The following TTBK2 variants were observed in gnomAD, a reference collection of about 807,000 sequenced individuals.
TTBK2 encodes the protein tau-tubulin kinase 2.
Under a neutral mutation model 110.8 loss-of-function variants are expected in TTBK2, and 28 were observed. The observed-to-expected ratio is 0.25, with a 90% confidence interval of 0.19 to 0.35. The LOEUF (loss-of-function observed/expected upper bound fraction) is 0.35, where lower values mean the gene tolerates loss of function less well. TTBK2 is among the 10% of genes least tolerant of loss of function. TTBK2 has a pLI of 1.00. For synonymous variants in TTBK2, 532 were observed against 527.3 expected, an observed-to-expected ratio of 1.01 and a Z score of -0.12; for missense variants, 1,369 against 1,500.3, an observed-to-expected ratio of 0.91 and a Z score of 1.45.
chr15:42,805,308 A>T (rs1240807767), intron 9 of TTBK2, among the ~76,000 whole-genome samples: 7 of 152,210 alleles, frequency 4.6e-5, no homozygotes, highest in African/African-American at 1.7e-4. Context: ...TTATATAATA[A>T]AGAGACAAAA....
chr15:42,763,166 A>G (rs1207279745), intron 13 of TTBK2, among the ~76,000 whole-genome samples: 1 of 11,884 alleles, frequency 8.4e-5, no homozygotes, highest in African/African-American at 4.1e-4. Flanking sequence ...ACATATATAT[A>G]TATATATATA....
At chr15:42,800,938 C>T (rs201561234) in intron 9 of TTBK2, 185 of 724,040 alleles carry the variant, frequency 2.6e-4, no homozygotes, top group Middle Eastern at 7.1e-4. Flanking sequence ...GCGGCAGCCG[C>T]AGGAGGGACA....
intron 7 of TTBK2, 137 bp from the exon 8 acceptor site, chr15:42,811,917 CAT>C (rs143101383): frequency 3.7e-3 from 1,936 of 525,268 alleles, no homozygotes; most frequent in East Asian, 6.0e-3. Flanking sequence ...ATATGATAAA[CAT>C]ATATATATAT....
intron 14 of TTBK2, among the ~76,000 whole-genome samples, chr15:42,746,624 T>A (rs2061797900): frequency 6.6e-6 from 1 of 152,228 alleles, no homozygotes; most frequent in African/African-American, 2.4e-5. Context: ...GTCTCTAGCA[T>A]GTTAGCACAT....
chr15:42,772,029 G>A (rs948109792), intron 13 of TTBK2, among the ~76,000 whole-genome samples: 20 of 152,084 alleles, frequency 1.3e-4, no homozygotes, highest in African/African-American at 4.8e-4. Context: ...AGGTAATAAT[G>A]GTAGACAGCC....
At chr15:42,833,895 A>C (rs188687683) in intron 4 of TTBK2, among the ~76,000 whole-genome samples, 74 of 152,126 alleles carry the variant, frequency 4.9e-4, no homozygotes, top group Admixed American at 4.7e-3. Context: ...CCTGTAGTCC[A>C]GGCTACTCGG....
At chr15:42,883,349 C>CCTG (rs1260692485) in intron 1 of TTBK2, among the ~76,000 whole-genome samples, 2 of 148,920 alleles carry the variant, frequency 1.3e-5, no homozygotes, top group African/African-American at 5.0e-5. Context: ...TGCACTACAG[C>CCTG]CTGGGTGACA....
At position 42,739,639 on chromosome 15, in the gene TTBK2, T is replaced by TGTTA. The variant is rs960493468; in HGVS notation, c.*6152_*6155dup. On this transcript the variant is annotated 3_prime_UTR_variant, in exon 15 of 15. Coordinates refer to ENST00000267890, the MANE Select transcript of TTBK2 (RefSeq NM_173500.4). ...AATGTCAAAGCCCCAAGTGGGCCAG[T>TGTTA]GTTACCTTTATCTTCCCATCTTTGT... The TGTTA allele has an allele frequency of 8.5e-5, 13 of 152,388 alleles. No individual in the cohort carries two copies. Among genetic ancestry groups the TGTTA allele is most frequent in the Non-Finnish European group, 1.8e-4 (12 of 68,044 alleles). The allele number at this position is 152,388 out of a possible 1,614,324, so 9.4% of individuals were successfully genotyped here.
intron 9 of TTBK2, among the ~76,000 whole-genome samples, chr15:42,808,766 C>G (rs2140919836): frequency 6.6e-6 from 1 of 152,200 alleles, no homozygotes; most frequent in East Asian, 1.9e-4. Context: ...GGGAGGATCA[C>G]TTGAGTCTTG....
At chr15:42,826,948 G>A (rs1157017260) in intron 6 of TTBK2, among the ~76,000 whole-genome samples, 5 of 152,130 alleles carry the variant, frequency 3.3e-5, no homozygotes, top group East Asian at 1.9e-4. Context: ...AGGACCTGAC[G>A]TCAGAACAAT....
intron 1 of TTBK2, among the ~76,000 whole-genome samples, chr15:42,909,479 T>C (rs2030619820): frequency 6.6e-6 from 1 of 152,194 alleles, no homozygotes; most frequent in Non-Finnish European, 1.5e-5. Flanking sequence ...CCCACCCAGA[T>C]AATCAAGGAA....
intron 1 of TTBK2, among the ~76,000 whole-genome samples, chr15:42,884,207 T>A (rs1362568212): frequency 6.6e-6 from 1 of 152,230 alleles, no homozygotes; most frequent in East Asian, 1.9e-4. Context: ...CTTCACTCTT[T>A]TCCCAAATAA....
chr15:42,873,294 C>T (rs554952922), intron 2 of TTBK2, among the ~76,000 whole-genome samples: 7 of 151,954 alleles, frequency 4.6e-5, no homozygotes, highest in African/African-American at 1.2e-4. Context: ...ATTAGCCAGG[C>T]GTGGTGGTAC....
intron 4 of TTBK2, among the ~76,000 whole-genome samples, chr15:42,833,247 T>TAA (rs35997543): frequency 0.012 from 930 of 74,790 alleles, 14 homozygotes; most frequent in African/African-American, 0.024. Context: ...CCAAATTTTG[T>TAA]AAAAAAAAAA....
intron 1 of TTBK2, among the ~76,000 whole-genome samples, chr15:42,907,089 A>G (rs1038715826): frequency 1.3e-5 from 2 of 152,172 alleles, no homozygotes; most frequent in African/African-American, 4.8e-5. Flanking sequence ...ATCACTAATC[A>G]GAGAAATGTA....
Position 42,920,723 on chromosome 15 carries a change from T to C in TTBK2, c.-353A>G. 1 of 152,330 alleles carries C rather than the reference T, an allele frequency of 6.6e-6. No individual in the cohort carries two copies. Among genetic ancestry groups the C allele is most frequent in the Non-Finnish European group, 1.5e-5 (1 of 68,598 alleles). 9.4% of individuals were successfully genotyped at this position (152,330 alleles called of 1,614,324 possible). On this transcript the variant is annotated 5_prime_UTR_variant, in exon 1 of 15. Coordinates refer to ENST00000267890, the MANE Select transcript of TTBK2 (RefSeq NM_173500.4). ...TTGTGCCAGCACCTGCTCCCCCTCC[T>C]GCCGCCGCCGCCGCCTCGTCCCCAC...
At chr15:42,795,756 T>C (rs1890909523) in intron 9 of TTBK2, among the ~76,000 whole-genome samples, 1 of 151,308 alleles carries the variant, frequency 6.6e-6, no homozygotes, top group African/African-American at 2.4e-5. Flanking sequence ...GGCATGAGAA[T>C]TGCTTGAACC....
intron 3 of TTBK2, among the ~76,000 whole-genome samples, chr15:42,863,646 G>A (rs952724653): frequency 1.1e-4 from 17 of 151,970 alleles, no homozygotes; most frequent in African/African-American, 3.9e-4. Context: ...AAGCAAAAAA[G>A]AACAAAGCAT....
chr15:42,891,172 CTTT>C (rs758372860), intron 1 of TTBK2, among the ~76,000 whole-genome samples: 4 of 125,736 alleles, frequency 3.2e-5, no homozygotes, highest in Middle Eastern at 3.9e-3. Flanking sequence ...CCATGCCCGA[CTTT>C]TTTTTTTTTT....
Sources: gnomAD v4.1 joint callset for allele counts (sites outside exome capture counted in the v4.1 genomes callset) on GRCh38, gnomAD v4.1.1 for gene constraint, MANE v1.5 for transcripts, NCBI Gene and HGNC (gene_info 2026-07-23, HGNC 2026-07-21) for gene names.